Variants in WDR4 observed in about 807,000 individuals in gnomAD.
WDR4 encodes WDR4 tRNA N7-guanosine methyltransferase non-catalytic subunit, also known as tRNA (guanine-N(7)-)-methyltransferase non-catalytic subunit WDR4.
A neutral mutation model predicts 48.6 loss-of-function variants in WDR4; 47 were observed. The ratio of observed to expected loss-of-function variants is 0.97; its 90% CI spans 0.77 to 1.23. The LOEUF (loss-of-function observed/expected upper bound fraction) is 1.23. Ranked by LOEUF, WDR4 falls within the 50% of genes most tolerant of loss-of-function variation. WDR4 has a pLI of 0.00. For synonymous variants in WDR4, 268 were observed against 230.0 expected, an observed-to-expected ratio of 1.17 and a Z score of -1.49; for missense variants, 606 against 551.6, an observed-to-expected ratio of 1.10 and a Z score of -0.99.
At chr21:42,847,438 GA>G (rs1733821014), downstream of WDR4, among the ~76,000 whole-genome samples, 1 of 152,232 alleles carries the variant, frequency 6.6e-6, no homozygotes, top group Admixed American at 6.5e-5. Context: ...CTGAGACACA[GA>G]AACGGCTCTT....
chr21:42,851,430 C>T (rs1038838828), intron 10 of WDR4, among the ~76,000 whole-genome samples: 4 of 152,224 alleles, frequency 2.6e-5, no homozygotes, highest in Admixed American at 1.3e-4. Flanking sequence ...CCCCAATCAG[C>T]GGAAACTCCT....
intron 10 of WDR4, among the ~76,000 whole-genome samples, chr21:42,850,781 G>C (rs1239875351): frequency 6.6e-6 from 1 of 152,232 alleles, no homozygotes; most frequent in East Asian, 1.9e-4. Flanking sequence ...AAGGCATCGA[G>C]TGTGGGATAG....
At chr21:42,852,384 AG>A in intron 9 of WDR4, 60 bp from the exon 10 acceptor site, 2 of 1,572,006 alleles carry the variant, frequency 1.3e-6, no homozygotes, top group South Asian at 2.3e-5. Context: ...ACCCAGCACC[AG>A]GACGCAACAC....
intron 3 of WDR4, among the ~76,000 whole-genome samples, chr21:42,873,169 T>G (rs1221299331): frequency 2.6e-5 from 4 of 152,146 alleles, no homozygotes; most frequent in Non-Finnish European, 5.9e-5. Flanking sequence ...CCTATCACTC[T>G]CCAGGGCAGG....
intron 6 of WDR4, among the ~76,000 whole-genome samples, chr21:42,856,598 G>A (rs2057998403): frequency 6.6e-6 from 1 of 152,112 alleles, no homozygotes; most frequent in Non-Finnish European, 1.5e-5. Flanking sequence ...CACTAATTCA[G>A]TGGAGAGAAA....
Position 42,854,561 on chromosome 21 carries a change from C to T in WDR4, c.791+1G>A. On this transcript the variant is annotated splice_donor_variant, in intron 8 of 10. Transcript: ENST00000398208. LOFTEE classifies it high-confidence loss of function. ...GCCATAGAGGTGCCGCCGCAGCTTA[C>T]CCGTCGCACAGGAGCGCCACGCAGT... 1.9e-6 allele frequency: 3 copies of T among 1,613,206 alleles called. No individual in the cohort carries two copies. Among genetic ancestry groups the T allele is most frequent in the Non-Finnish European group, 2.5e-6 (3 of 1,179,730 alleles).
intron 1 of WDR4, among the ~76,000 whole-genome samples, chr21:42,877,867 A>AC (rs1436267792): frequency 2.0e-5 from 3 of 151,932 alleles, no homozygotes; most frequent in African/African-American, 7.3e-5. Flanking sequence ...ACACAGTGAA[A>AC]CCCCCATCTC....
chr21:42,855,544 C>A, intron 7 of WDR4, 138 bp downstream of exon 7: 1 of 634,058 alleles, frequency 1.6e-6, no homozygotes, highest in Non-Finnish European at 2.7e-6. Context: ...ATTTGAAATA[C>A]GAGATTTCCC....
At chr21:42,876,065 G>A (rs968038801) in intron 2 of WDR4, among the ~76,000 whole-genome samples, 3 of 151,252 alleles carry the variant, frequency 2.0e-5, no homozygotes, top group Admixed American at 6.6e-5. Context: ...GACTACAGGC[G>A]CCCACCAGCA....
intron 1 of WDR4, chr21:42,879,056 T>G (rs914705654): frequency 9.2e-7 from 1 of 1,090,822 alleles, no homozygotes; most frequent in African/African-American, 1.6e-5. Context: ...CCTTGCTGAC[T>G]GGTCAGCGTC....
At position 42,849,885 on chromosome 21, in the gene WDR4, G is replaced by A. The variant is rs2057773592; in HGVS notation, c.*164C>T. 1.1e-5 allele frequency: 9 copies of A among 830,510 alleles called. No homozygotes were observed. The South Asian group carries it at 1.5e-4, about 14-fold the overall frequency. The allele number at this position is 830,510 out of a possible 1,614,324, so 51.4% of individuals were successfully genotyped here. ...AGGCACCCAGCAAGAGCCTGTGCTG[G>A]TGACACAGAATGTTCTTTCTAGAGC... On this transcript the variant is annotated 3_prime_UTR_variant, in exon 11 of 11. Transcript: ENST00000398208.
intron 10 of WDR4, among the ~76,000 whole-genome samples, chr21:42,850,653 C>T (rs754557889): frequency 6.6e-6 from 1 of 152,178 alleles, no homozygotes; most frequent in Non-Finnish European, 1.5e-5. Context: ...ACAACCCAGA[C>T]TGAGTGAAGT....
intron 3 of WDR4, among the ~76,000 whole-genome samples, chr21:42,872,983 G>A (rs1010332152): frequency 2.0e-5 from 3 of 152,096 alleles, no homozygotes; most frequent in Admixed American, 6.6e-5. Flanking sequence ...GAACCTTTCC[G>A]GACTTTGCTA....
intron 11 of WDR4, among the ~76,000 whole-genome samples, chr21:42,844,162 C>T (rs758876056): frequency 6.6e-6 from 1 of 152,138 alleles, no homozygotes; most frequent in Non-Finnish European, 1.5e-5. Flanking sequence ...AGCAGACTCA[C>T]GGACCCATGA....
chr21:42,859,544 A>G, intron 6 of WDR4, 118 bp downstream of exon 6: 4 of 648,514 alleles, frequency 6.2e-6, no homozygotes, highest in Admixed American at 5.5e-5. Flanking sequence ...GATCTAGTGG[A>G]CAGCCACAGC....
intron 6 of WDR4, among the ~76,000 whole-genome samples, chr21:42,858,828 A>T (rs1268621184): frequency 6.6e-6 from 1 of 152,150 alleles, no homozygotes; most frequent in Admixed American, 6.5e-5. Flanking sequence ...CCAATCAGAG[A>T]AGAAACATAG....
chr21:42,875,191 G>A (rs1399184147), intron 2 of WDR4, among the ~76,000 whole-genome samples: 3 of 152,058 alleles, frequency 2.0e-5, no homozygotes, highest in Non-Finnish European at 4.4e-5. Context: ...CGAGAGGATC[G>A]CTTGAGCTCA....
chr21:42,859,788 G>A (rs2146034909), intron 5 of WDR4, 66 bp from the exon 6 acceptor site: 2 of 1,494,062 alleles, frequency 1.3e-6, no homozygotes, highest in South Asian at 1.2e-5. Flanking sequence ...GGAGGCCTGG[G>A]GAGGCCGCCT....
chr21:42,854,538 CAT>C (rs777100186), intron 8 of WDR4, 22 bp downstream of exon 8: 8 of 1,609,268 alleles, frequency 5.0e-6, no homozygotes, highest in Middle Eastern at 1.7e-4. Flanking sequence ...AACCGGAGGC[CAT>C]AGAGGTGCCG....
Sources: allele counts gnomAD v4.1 joint callset (sites outside exome capture counted in the v4.1 genomes callset), GRCh38; gene constraint gnomAD v4.1.1; transcripts MANE v1.5; gene names NCBI Gene and HGNC (gene_info 2026-07-23, HGNC 2026-07-21).